Variants in TMC6 observed in about 807,000 individuals in gnomAD.
TMC6 encodes transmembrane channel-like protein 6.
Under a neutral mutation model 95.4 loss-of-function variants are expected in TMC6, and 71 were observed. The ratio of observed to expected loss-of-function variants is 0.74; its 90% CI spans 0.61 to 0.91. The LOEUF is 0.91. Among genes scored for constraint, TMC6 ranks in the 40% least tolerant of loss-of-function variants. The pLI is 0.00. For synonymous variants in TMC6, 514 were observed against 483.1 expected, an observed-to-expected ratio of 1.06 and a Z score of -0.84; for missense variants, 1,074 against 1,079.1, an observed-to-expected ratio of 1.00 and a Z score of 0.07.
upstream of TMC6, chr17:78,132,114 C>T: frequency 6.6e-7 from 1 of 1,521,808 alleles, no homozygotes; most frequent in Non-Finnish European, 8.8e-7. Flanking sequence ...GGCATCATCC[C>T]ACCTGCCTTC....
chr17:78,113,805 GA>G lies in TMC6; in HGVS notation c.2278-182del, dbSNP rs374447134. ...AGGACAAGGAAAAACCAAGAGCCAG[GA>G]AGTGGGCGTATGTGTGGATCTAAGC... On this transcript the variant is annotated intron_variant, in intron 18 of 19. Coordinates refer to ENST00000590602, the MANE Select transcript of TMC6 (RefSeq NM_001127198.5). 290 of 673,686 alleles carry G rather than the reference GA, an allele frequency of 4.3e-4. No individual in the cohort carries two copies. In the African/African-American group the frequency reaches 4.7e-3, roughly 11 times the overall value. 41.7% of individuals were successfully genotyped at this position (673,686 alleles called of 1,614,324 possible). A position where few individuals can be genotyped will look rare whatever the true frequency, so the allele number is the denominator to read the frequency against.
chr17:78,126,497 C>A (rs1044619787), intron 3 of TMC6, 27 bp downstream of exon 3: 39 of 1,612,286 alleles, frequency 2.4e-5, no homozygotes, highest in Non-Finnish European at 3.3e-5. Context: ...TTGGTCCACA[C>A]CACCCAGCAT....
chr17:78,117,877 C>T lies in TMC6; in HGVS notation c.1946G>A (p.Ser649Asn). ...GCAGAGCAGCGTGAGGAAGACGGTG[C>T]TCATGTGTGAGGCCAGCCAGGGCCG... ...PRRPWLASHMSTVFLTLLCFP... is the reference protein window; with the variant it reads ...PRRPWLASHMNTVFLTLLCFP... Residue 649 changes from serine (S) to asparagine (N), a missense_variant, in exon 16 of 20, where the codon AGC (serine) becomes AAC (asparagine). Transcript: ENST00000590602. 2 of 1,607,430 alleles carry T rather than the reference C, an allele frequency of 1.2e-6. No individual in the cohort carries two copies. Among genetic ancestry groups the T allele is most frequent in the South Asian group, 1.1e-5 (1 of 90,052 alleles).
chr17:78,130,215 C>T (rs2074925785), upstream of TMC6, among the ~76,000 whole-genome samples: 1 of 152,166 alleles, frequency 6.6e-6, no homozygotes, highest in South Asian at 2.1e-4. Flanking sequence ...TTGGCACAAC[C>T]ATAACGCCAA....
In TMC6 at chr17:78,110,251, G is replaced by A. The variant is rs111356644; in HGVS notation, c.*2897C>T. 286 of 152,094 alleles carry A rather than the reference G, an allele frequency of 1.9e-3. No individual in the cohort carries two copies. Among genetic ancestry groups the A allele is most frequent in the Middle Eastern group, 3.4e-3 (1 of 294 alleles). 9.4% of individuals were successfully genotyped at this position (152,094 alleles called of 1,614,324 possible). The stretch of plus-strand genomic sequence containing the variant: ...TCGGCAGGTGTTGTGGTTCATGTCT[G>A]TAATCCCAGCACTTTGGGAGGCCGA... On this transcript the variant is annotated 3_prime_UTR_variant, in exon 20 of 20. Coordinates refer to ENST00000590602, the MANE Select transcript of TMC6 (RefSeq NM_001127198.5).
rs1046733846 is a variant in TMC6, at chr17:78,113,149, T to C, written c.2417A>G (p.Ter806TrpextTer86). 1.9e-6 allele frequency: 3 copies of C among 1,554,180 alleles called. No homozygotes were observed. The highest frequency in any genetic ancestry group is 2.7e-5 in the African/African-American group (2 of 73,518). Residue 806 changes from the stop codon to tryptophan, a stop_lost, in exon 20 of 20, where the codon TAG (stop) becomes TGG (tryptophan). Transcript: ENST00000590602. ...PALLTDEQDA[*>W] ...CCCGTGAGGCCCATCGCCGTCCCCC[T>C]AGGCATCCTGTTCATCTGTGAGCAG...
At chr17:78,132,185 G>A, upstream of TMC6, 1 of 1,394,146 alleles carries the variant, frequency 7.2e-7, no homozygotes, top group Non-Finnish European at 9.8e-7. Context: ...CGCAGGCACC[G>A]CAAACCTCGG....
At chr17:78,131,964 C>T (rs1035555956), upstream of TMC6, 11 of 1,519,730 alleles carry the variant, frequency 7.2e-6, no homozygotes, top group Non-Finnish European at 9.7e-6. Context: ...AAGGCGCCTG[C>T]GGGAGGCAGC....
At chr17:78,119,143 C>T (rs2074281555) in intron 14 of TMC6, 97 bp from the exon 15 acceptor site, 11 of 1,491,506 alleles carry the variant, frequency 7.4e-6, no homozygotes, top group Admixed American at 1.9e-5. Context: ...TGACAGTGGC[C>T]AAAACTGAGT....
chr17:78,123,026 A>G lies in TMC6; in HGVS notation c.1083-277T>C. ...GCTGCCTCCCAGCGAGACATGGACC[A>G]GAAGATGCTGGGCTCACCTCAGGGC... is the stretch of plus-strand genomic sequence containing the variant. On this transcript the variant is annotated intron_variant, in intron 9 of 19. Coordinates refer to ENST00000590602, the MANE Select transcript of TMC6 (RefSeq NM_001127198.5). 5.4e-6 allele frequency: 3 copies of G among 550,594 alleles called. No homozygotes were observed. In the South Asian group the frequency reaches 5.9e-5, roughly 11 times the overall value. 34.1% of individuals were successfully genotyped at this position (550,594 alleles called of 1,614,324 possible).
Position 78,118,412 on chromosome 17 carries a change from T to C in TMC6, c.1888-477A>G, listed in dbSNP as rs538264896. 9.2e-5 allele frequency among the ~76,000 whole-genome samples: 14 copies of C among 152,110 alleles called. No homozygotes were observed. In the South Asian group the frequency reaches 1.2e-3, roughly 14 times the overall value. ...CTACTAAAAATACAAAAAAATTAGC[T>C]GGGTGTGGTGGCGGGCGCCTGTAGT... is the stretch of plus-strand genomic sequence containing the variant. On this transcript the variant is annotated intron_variant, in intron 15 of 19. Coordinates refer to ENST00000590602, the MANE Select transcript of TMC6 (RefSeq NM_001127198.5).
Position 78,117,809 on chromosome 17 carries a change from C to T in TMC6, c.2014G>A (p.Val672Ile), listed in dbSNP as rs760800225. The change falls in exon 16 of 20, where the codon GTC becomes ATC. Residue 672 changes from valine (V) to isoleucine (I), a missense_variant. By Grantham distance (29) the Val-to-Ile change is conservative. Coordinates refer to ENST00000590602, the MANE Select transcript of TMC6 (RefSeq NM_001127198.5). Reference protein sequence around the residue: ...LGAAVFLCYAVWQVKPSSTCG... With the variant: ...LGAAVFLCYAIWQVKPSSTCG... The stretch of plus-strand genomic sequence containing the variant: ...TCCACCCGCCCCACTCACTGCCAGA[C>T]GGCGTAGCAGAGGAAGACAGCGGCG... 3.4e-5 allele frequency: 55 copies of T among 1,606,804 alleles called. No homozygotes were observed. Among genetic ancestry groups the T allele is most frequent in the Admixed American group, 6.7e-5 (4 of 59,314 alleles).
At chr17:78,123,675 TGGGTGAATTGAGTGGGTGGATGGGG>T (rs1482223109) in intron 9 of TMC6, among the ~76,000 whole-genome samples, 1 of 100,932 alleles carries the variant, frequency 9.9e-6, no homozygotes, top group African/African-American at 4.1e-5. Flanking sequence ...GATGGATGGG[TGGGTGAATTGAGTGGGTGGATGGGG>T]GGGTGAATTG....
chr17:78,125,734 T>C lies in TMC6; in HGVS notation c.422A>G (p.Glu141Gly). 6.4e-7 allele frequency: 1 copy of C among 1,566,098 alleles called. No individual in the cohort carries two copies. The highest frequency in any genetic ancestry group is 8.7e-7 in the Non-Finnish European group (1 of 1,155,788). The change falls in exon 5 of 20, where the codon GAG becomes GGG. Residue 141 changes from glutamate to glycine, a missense_variant. Transcript: ENST00000590602. ...YDLELDPTAL[E>G]EEEKQSLLVK... ...AGTGCCCACTCACTCACCCTCCTCCTCCAGGGCCGTGGGGTCCAGCTCCAG... is the reference window on the plus strand; with the variant it reads ...AGTGCCCACTCACTCACCCTCCTCCCCCAGGGCCGTGGGGTCCAGCTCCAG...
At chr17:78,123,136 G>A in intron 9 of TMC6, 1 of 349,232 alleles carries the variant, frequency 2.9e-6, no homozygotes, top group Non-Finnish European at 5.6e-6. Context: ...CCCTCTCAGG[G>A]CAAGTGCCGC....
chr17:78,119,273 A>T, intron 14 of TMC6, 24 bp downstream of exon 14: 1 of 1,613,236 alleles, frequency 6.2e-7, no homozygotes. Flanking sequence ...GCCAGACAGT[A>T]GGAGGCAAGC....
At chr17:78,131,909 G>C, upstream of TMC6, 1 of 1,493,842 alleles carries the variant, frequency 6.7e-7, no homozygotes, top group Non-Finnish European at 8.9e-7. Context: ...CGGGGGTGCA[G>C]ACCTTGCGCT....
chr17:78,110,181 G>A lies in TMC6; in HGVS notation c.*2967C>T, dbSNP rs569403417. ...GCACCAGTGTTTTTTTGTTTGTTGG[G>A]ACAGGGTCTTGCCATTGCCCGTGCT... On this transcript the variant is annotated 3_prime_UTR_variant, in exon 20 of 20. Coordinates refer to ENST00000590602, the MANE Select transcript of TMC6 (RefSeq NM_001127198.5). The A allele has an allele frequency of 1.3e-5, 2 of 153,088 alleles. No individual in the cohort carries two copies. The highest frequency in any genetic ancestry group is 3.9e-4 in the East Asian group (2 of 5,178). 9.5% of individuals were successfully genotyped at this position (153,088 alleles called of 1,614,324 possible).
At chr17:78,114,657 G>C (rs2073964796) in intron 18 of TMC6, among the ~76,000 whole-genome samples, 1 of 151,974 alleles carries the variant, frequency 6.6e-6, no homozygotes, top group Non-Finnish European at 1.5e-5. Flanking sequence ...ATTGGCTCTG[G>C]GCACCTGGCA....
Sources: gnomAD v4.1 joint callset for allele counts (sites outside exome capture counted in the v4.1 genomes callset) on GRCh38, gnomAD v4.1.1 for gene constraint, MANE v1.5 for transcripts, NCBI Gene and HGNC (gene_info 2026-07-23, HGNC 2026-07-21) for gene names.